The following FER1L6 variants were observed in gnomAD, a reference collection of about 807,000 sequenced individuals.
The protein encoded by FER1L6 is fer-1 like family member 6, also known as fer-1-like protein 6.
FER1L6 carries 177 observed loss-of-function variants against 219.2 expected under a neutral mutation model. The ratio of observed to expected loss-of-function variants is 0.81; its 90% CI spans 0.71 to 0.91. The LOEUF (loss-of-function observed/expected upper bound fraction) is 0.91, where lower values mean the gene tolerates loss of function less well. FER1L6 is among the 40% of genes least tolerant of loss of function. The pLI, the probability that FER1L6 is intolerant of heterozygous loss-of-function variation, is 0.00. For synonymous variants in FER1L6, 768 were observed against 824.3 expected (o/e 0.93, Z 1.17); for missense variants, 2,153 against 2,259.9 (o/e 0.95, Z 0.96).
intron 39 of FER1L6, among the ~76,000 whole-genome samples, chr8:124,117,267 CTA>C (rs1823287158): frequency 6.6e-6 from 1 of 152,132 alleles, no homozygotes; most frequent in South Asian, 2.1e-4. Flanking sequence ...TTGCTTATTG[CTA>C]TGATTGATAG....
rs1413702016 is a variant in FER1L6 at position 124,103,200 on chromosome 8, C to G, written c.5180C>G (p.Ala1727Gly). 1.9e-6 allele frequency: 3 copies of G among 1,614,118 alleles called. No homozygotes were observed. The highest frequency in any genetic ancestry group is 2.5e-6 in the Non-Finnish European group (3 of 1,179,982). Residue 1727 changes from alanine to glycine, a missense_variant, in exon 39 of 41, where the codon GCC becomes GGC. Coordinates refer to ENST00000522917, the MANE Select transcript of FER1L6 (RefSeq NM_001039112.2). ...SFPRAAKSAK[A>G]CDLAKFENAS... is the part of the protein sequence containing the mutation. ...CCTCGAGCAGCTAAGTCTGCCAAAG[C>G]CTGTGATCTTGCCAAGTTTGAAAAT...
intron 1 of FER1L6, among the ~76,000 whole-genome samples, chr8:123,916,895 T>G (rs1813206691): frequency 6.6e-6 from 1 of 152,166 alleles, no homozygotes. Flanking sequence ...TTTGATAGGT[T>G]GATACCCATG....
chr8:124,101,437 G>A (rs1183631481), intron 38 of FER1L6, 99 bp downstream of exon 38: 5 of 1,143,208 alleles, frequency 4.4e-6, no homozygotes, highest in Non-Finnish European at 6.2e-6. Flanking sequence ...AATAATTTCA[G>A]CACTATCTAT....
intron 39 of FER1L6, among the ~76,000 whole-genome samples, chr8:124,108,286 T>C (rs1822860150): frequency 6.6e-6 from 1 of 152,214 alleles, no homozygotes; most frequent in African/African-American, 2.4e-5. Flanking sequence ...ACCAGCTGTC[T>C]GAACTTTACT....
At chr8:123,861,470 T>C (rs1175807926) in intron 1 of FER1L6, among the ~76,000 whole-genome samples, 1 of 140,862 alleles carries the variant, frequency 7.1e-6, no homozygotes, top group Non-Finnish European at 1.5e-5. Context: ...TGCGGGCTCT[T>C]TTTTGGTTCC....
intron 31 of FER1L6, among the ~76,000 whole-genome samples, chr8:124,073,121 G>C (rs1009603130): frequency 2.0e-5 from 3 of 152,150 alleles, no homozygotes; most frequent in African/African-American, 7.2e-5. Context: ...GGGGAATCCA[G>C]AAATAGTATG....
At chr8:123,866,275 T>C (rs1487532891) in intron 1 of FER1L6, among the ~76,000 whole-genome samples, 1 of 151,912 alleles carries the variant, frequency 6.6e-6, no homozygotes, top group African/African-American at 2.4e-5. Flanking sequence ...ATTTCCTTAT[T>C]TTTTTAAGGT....
At chr8:124,112,198 C>G (rs556103688) in intron 39 of FER1L6, among the ~76,000 whole-genome samples, 1 of 152,288 alleles carries the variant, frequency 6.6e-6, no homozygotes, top group Non-Finnish European at 1.5e-5. Flanking sequence ...TTCTTTGAAG[C>G]CAGCATTCAA....
intron 3 of FER1L6, 145 bp from the exon 4 acceptor site, chr8:123,965,862 C>A: frequency 2.7e-6 from 2 of 729,046 alleles, no homozygotes; most frequent in South Asian, 2.1e-5. Context: ...GTCATTTGTC[C>A]GCTTATACTT....
At chr8:123,870,779 G>A (rs564543155) in intron 1 of FER1L6, among the ~76,000 whole-genome samples, 1 of 152,322 alleles carries the variant, frequency 6.6e-6, no homozygotes, top group Non-Finnish European at 1.5e-5. Context: ...ACAGCAGTAA[G>A]AGTGGACCTT....
At chr8:123,961,960 G>T (rs1358506689) in intron 2 of FER1L6, among the ~76,000 whole-genome samples, 1 of 151,144 alleles carries the variant, frequency 6.6e-6, no homozygotes, top group Non-Finnish European at 1.5e-5. Flanking sequence ...CACAATGTCG[G>T]CTCACTGCAA....
chr8:123,911,617 A>G (rs1813047694), intron 1 of FER1L6, among the ~76,000 whole-genome samples: 1 of 152,138 alleles, frequency 6.6e-6, no homozygotes, highest in Non-Finnish European at 1.5e-5. Context: ...TAGTGAGCTC[A>G]TCCTAGGATG....
intron 1 of FER1L6, among the ~76,000 whole-genome samples, chr8:123,892,329 T>C (rs1812663872): frequency 6.6e-6 from 1 of 152,118 alleles, no homozygotes; most frequent in South Asian, 2.1e-4. Context: ...TCTCGCACTG[T>C]CGCCCTGGCT....
Position 124,003,341 on chromosome 8 carries a change from G to C in FER1L6, c.1694G>C (p.Gly565Ala). ...THPEKPLVTEGNRNYNYLPFE... is the reference protein window; with the variant it reads ...THPEKPLVTEANRNYNYLPFE... ...CCGGAGAAGCCACTGGTGACAGAAGGGAACAGGTAGGAGACATAGCCTGGG... is the reference window on the plus strand; with the variant it reads ...CCGGAGAAGCCACTGGTGACAGAAGCGAACAGGTAGGAGACATAGCCTGGG... Residue 565 changes from glycine (G) to alanine (A), a missense_variant, in exon 13 of 41, where the codon GGG becomes GCG. Transcript: ENST00000522917. The C allele has an allele frequency of 6.2e-7, 1 of 1,612,054 alleles. No homozygotes were observed.
At chr8:124,003,538 C>T (rs907176005) in intron 13 of FER1L6, among the ~76,000 whole-genome samples, 191 bp downstream of exon 13, 3 of 131,674 alleles carry the variant, frequency 2.3e-5, no homozygotes, top group African/African-American at 8.4e-5. Flanking sequence ...GGCACGATCT[C>T]AGCTCACTGC....
chr8:123,936,470 T>TG (rs1554617929), intron 1 of FER1L6, among the ~76,000 whole-genome samples: 1 of 125,544 alleles, frequency 8.0e-6, no homozygotes, highest in African/African-American at 2.9e-5. Context: ...CTGTTTTTTT[T>TG]TTTTTTTTTT....
At chr8:123,874,844 TA>T (rs898240151) in intron 1 of FER1L6, among the ~76,000 whole-genome samples, 11 of 152,306 alleles carry the variant, frequency 7.2e-5, no homozygotes, top group Admixed American at 5.2e-4. Context: ...CTTGGAAGAT[TA>T]TTTTTTTTGA....
intron 16 of FER1L6, 75 bp downstream of exon 16, chr8:124,017,793 C>G: frequency 8.3e-7 from 1 of 1,199,842 alleles, no homozygotes; most frequent in South Asian, 1.3e-5. Flanking sequence ...GGTCACAGAC[C>G]AAATGAGGTT....
intron 20 of FER1L6, among the ~76,000 whole-genome samples, chr8:124,044,735 T>C (rs1819650278): frequency 6.6e-6 from 1 of 152,238 alleles, no homozygotes; most frequent in African/African-American, 2.4e-5. Context: ...GAATAGCTTC[T>C]GCCCAGGTGC....
Sources: gnomAD v4.1 joint callset for allele counts (sites outside exome capture counted in the v4.1 genomes callset) on GRCh38, gnomAD v4.1.1 for gene constraint, MANE v1.5 for transcripts, NCBI Gene and HGNC (gene_info 2026-07-23, HGNC 2026-07-21) for gene names.